The following ARL8B variants were observed in gnomAD, a reference collection of about 807,000 sequenced individuals.
ARL8B encodes ARF like GTPase 8B, also known as ADP-ribosylation factor-like protein 8B.
ARL8B carries 9 observed loss-of-function variants against 30.6 expected under a neutral mutation model. The ratio of observed to expected loss-of-function variants is 0.29; its 90% CI spans 0.18 to 0.51. The LOEUF is 0.51. Ranked by LOEUF, ARL8B falls within the 20% of genes least tolerant of loss-of-function variation. ARL8B has a pLI of 0.97. For synonymous variants in ARL8B, 74 were observed against 76.0 expected (o/e 0.97, Z 0.14); for missense variants, 130 against 227.2 (o/e 0.57, Z 2.75).
At chr3:5,129,137 G>A (rs1163524718) in intron 1 of ARL8B, among the ~76,000 whole-genome samples, 1 of 152,012 alleles carries the variant, frequency 6.6e-6, no homozygotes, top group Non-Finnish European at 1.5e-5. Context: ...TCCAGAAAGT[G>A]TACACTCCCA....
intron 1 of ARL8B, among the ~76,000 whole-genome samples, chr3:5,140,773 C>T (rs774062042): frequency 1.3e-5 from 2 of 152,144 alleles, no homozygotes; most frequent in African/African-American, 2.4e-5. Flanking sequence ...CTCAAAGAAA[C>T]CATGACGGGT....
intron 1 of ARL8B, among the ~76,000 whole-genome samples, chr3:5,124,236 A>G (rs992224233): frequency 6.7e-6 from 1 of 148,336 alleles, no homozygotes; most frequent in Non-Finnish European, 1.5e-5. Context: ...GAAGAGTGGA[A>G]TGTGTATCTA....
intron 1 of ARL8B, among the ~76,000 whole-genome samples, chr3:5,168,123 G>C (rs2054639903): frequency 6.6e-6 from 1 of 152,060 alleles, no homozygotes; most frequent in Non-Finnish European, 1.5e-5. Flanking sequence ...GCACAATCTT[G>C]TCTTAAAGTC....
chr3:5,138,190 G>GT (rs35653002), intron 1 of ARL8B, among the ~76,000 whole-genome samples: 37,239 of 141,348 alleles, frequency 0.26, 6,052 homozygotes, highest in African/African-American at 0.48. Flanking sequence ...ATTGCTCTAA[G>GT]TTTTTTTTTT....
intron 1 of ARL8B, among the ~76,000 whole-genome samples, chr3:5,157,250 C>T (rs1236091473): frequency 6.6e-6 from 1 of 152,192 alleles, no homozygotes; most frequent in Non-Finnish European, 1.5e-5. Context: ...AGCCTTTGTG[C>T]TGTTGGGATC....
intron 1 of ARL8B, among the ~76,000 whole-genome samples, chr3:5,141,922 A>G (rs1433448773): frequency 6.6e-6 from 1 of 152,236 alleles, no homozygotes; most frequent in Non-Finnish European, 1.5e-5. Flanking sequence ...AGTTGACCAC[A>G]GAAGAGTGCT....
At chr3:5,152,166 A>G (rs771846292) in intron 1 of ARL8B, among the ~76,000 whole-genome samples, 8 of 152,196 alleles carry the variant, frequency 5.3e-5, no homozygotes, top group Non-Finnish European at 1.2e-4. Flanking sequence ...TTTTCTCCCT[A>G]TCAATTAACA....
chr3:5,126,244 ATG>A (rs2054229096), intron 1 of ARL8B, among the ~76,000 whole-genome samples: 1 of 152,134 alleles, frequency 6.6e-6, no homozygotes, highest in South Asian at 2.1e-4. Context: ...GGTAGAAACA[ATG>A]TGTCCAAAAT....
At chr3:5,158,804 CATTTT>C (rs1281845550) in intron 1 of ARL8B, among the ~76,000 whole-genome samples, 1 of 151,400 alleles carries the variant, frequency 6.6e-6, no homozygotes, top group Non-Finnish European at 1.5e-5. Context: ...TTTAAAATTT[CATTTT>C]ATTAGTCCCT....
chr3:5,127,559 T>C (rs1024630212), intron 1 of ARL8B, among the ~76,000 whole-genome samples: 1 of 152,108 alleles, frequency 6.6e-6, no homozygotes, highest in Non-Finnish European at 1.5e-5. Flanking sequence ...GGAATGATAA[T>C]CTGTGGAAAG....
intron 1 of ARL8B, among the ~76,000 whole-genome samples, chr3:5,132,393 T>A (rs1201193850): frequency 6.6e-6 from 1 of 152,094 alleles, no homozygotes; most frequent in African/African-American, 2.4e-5. Flanking sequence ...CTCCCCACCA[T>A]GCCCTGCTAA....
chr3:5,154,885 GGTT>G (rs2054518527), intron 1 of ARL8B, among the ~76,000 whole-genome samples: 1 of 132,976 alleles, frequency 7.5e-6, no homozygotes, highest in Non-Finnish European at 1.5e-5. Context: ...GGATTTTTGT[GGTT>G]GTTTTTGTTT....
intron 1 of ARL8B, among the ~76,000 whole-genome samples, chr3:5,159,602 C>CA (rs71053495): frequency 0.035 from 2,649 of 76,540 alleles, 36 homozygotes; most frequent in East Asian, 0.06. Flanking sequence ...AACTCCGTCT[C>CA]AAAAAAAAAA....
At chr3:5,125,429 A>T (rs563706338) in intron 1 of ARL8B, among the ~76,000 whole-genome samples, 2 of 151,936 alleles carry the variant, frequency 1.3e-5, no homozygotes, top group South Asian at 2.1e-4. Flanking sequence ...TAATCGCATC[A>T]TGTGTTCCCC....
At chr3:5,174,629 ATC>A (rs149027177) in intron 6 of ARL8B, among the ~76,000 whole-genome samples, 10 of 147,194 alleles carry the variant, frequency 6.8e-5, no homozygotes, top group African/African-American at 2.0e-4. Context: ...TTGCAATGTT[ATC>A]TCTCTCTCTC....
intron 1 of ARL8B, among the ~76,000 whole-genome samples, chr3:5,137,836 C>A (rs1307636958): frequency 6.6e-6 from 1 of 152,156 alleles, no homozygotes; most frequent in East Asian, 1.9e-4. Flanking sequence ...TAATCTCCCA[C>A]CTCAGCCTCC....
intron 1 of ARL8B, among the ~76,000 whole-genome samples, chr3:5,133,152 G>A (rs2054297669): frequency 1.3e-5 from 2 of 152,128 alleles, no homozygotes; most frequent in South Asian, 4.1e-4. Flanking sequence ...CACAGCTGAG[G>A]GAAAGAAATT....
At chr3:5,153,214 C>T (rs2054501020) in intron 1 of ARL8B, among the ~76,000 whole-genome samples, 3 of 152,142 alleles carry the variant, frequency 2.0e-5, no homozygotes, top group Admixed American at 1.3e-4. Context: ...CGGTAATATA[C>T]TGATAGGACT....
At chr3:5,126,540 G>A (rs1436503244) in intron 1 of ARL8B, among the ~76,000 whole-genome samples, 1 of 152,108 alleles carries the variant, frequency 6.6e-6, no homozygotes, top group Non-Finnish European at 1.5e-5. Flanking sequence ...TTACTCAAAA[G>A]GTTCATGAGA....
Sources: gnomAD v4.1 joint callset for allele counts (sites outside exome capture counted in the v4.1 genomes callset) on GRCh38, gnomAD v4.1.1 for gene constraint, MANE v1.5 for transcripts, NCBI Gene and HGNC (gene_info 2026-07-23, HGNC 2026-07-21) for gene names.